PRKG1: variants seen among roughly 807,000 people sequenced by gnomAD.
PRKG1 encodes cGMP-dependent protein kinase 1.
A neutral mutation model predicts 88.1 loss-of-function variants in PRKG1; 35 were observed. That is an observed-to-expected ratio of 0.40 (90% confidence interval 0.30 to 0.53). The LOEUF is 0.53. Ranked by LOEUF, PRKG1 falls within the 20% of genes least tolerant of loss-of-function variation. The pLI is 0.59. For synonymous variants in PRKG1, 303 were observed against 292.5 expected (o/e 1.04, Z -0.37); for missense variants, 540 against 839.8 (o/e 0.64, Z 4.41).
intron 5 of PRKG1, among the ~76,000 whole-genome samples, chr10:51,917,798 G>A (rs1004753578): frequency 6.6e-6 from 1 of 152,088 alleles, no homozygotes; most frequent in African/African-American, 2.4e-5. Flanking sequence ...CTAATTCTCA[G>A]TGATTTTTAT....
chr10:51,236,175 A>G (rs565367650), intron 2 of PRKG1, among the ~76,000 whole-genome samples: 1 of 152,134 alleles, frequency 6.6e-6, no homozygotes, highest in Non-Finnish European at 1.5e-5. Flanking sequence ...CACTTTCTTT[A>G]TCTGTACAAT....
chr10:51,590,027 G>A (rs1165947743), intron 3 of PRKG1, among the ~76,000 whole-genome samples: 1 of 152,110 alleles, frequency 6.6e-6, no homozygotes, highest in Non-Finnish European at 1.5e-5. Context: ...GGAGAAAGTA[G>A]GTTAGATAAA....
chr10:50,999,501 A>G (rs1336491861), intron 1 of PRKG1, among the ~76,000 whole-genome samples: 1 of 152,182 alleles, frequency 6.6e-6, no homozygotes. Context: ...TTTTAGTCCA[A>G]TTTAGAGAGT....
chr10:51,570,688 G>T (rs924501794), intron 3 of PRKG1, among the ~76,000 whole-genome samples: 1 of 146,668 alleles, frequency 6.8e-6, no homozygotes, highest in Non-Finnish European at 1.5e-5. Context: ...TAATTTAGAA[G>T]AATTTTTGAA....
chr10:52,026,355 A>C (rs898901263), intron 5 of PRKG1, among the ~76,000 whole-genome samples: 3 of 152,220 alleles, frequency 2.0e-5, no homozygotes, highest in Admixed American at 1.3e-4. Flanking sequence ...ACTTCTTTGC[A>C]TATGCTTCTG....
intron 4 of PRKG1, among the ~76,000 whole-genome samples, chr10:51,883,415 C>A (rs1474307229): frequency 6.6e-6 from 1 of 152,166 alleles, no homozygotes; most frequent in Non-Finnish European, 1.5e-5. Flanking sequence ...CCTATTAGTT[C>A]TGTTTATCTT....
At chr10:52,163,763 T>G (rs1838349368) in intron 9 of PRKG1, among the ~76,000 whole-genome samples, 1 of 152,160 alleles carries the variant, frequency 6.6e-6, no homozygotes, top group Admixed American at 6.5e-5. Context: ...TTGCACATAC[T>G]TCAATTAAAA....
intron 10 of PRKG1, among the ~76,000 whole-genome samples, chr10:52,253,784 T>C (rs1263292308): frequency 2.0e-5 from 3 of 151,978 alleles, no homozygotes; most frequent in African/African-American, 7.2e-5. Context: ...TATAGCCCAC[T>C]TTGCAAAAAC....
At chr10:51,788,602 G>A (rs1336630398) in intron 3 of PRKG1, among the ~76,000 whole-genome samples, 3 of 152,074 alleles carry the variant, frequency 2.0e-5, no homozygotes, top group East Asian at 1.9e-4. Flanking sequence ...GAAAATAAAC[G>A]CCAAATAGTA....
At chr10:51,699,690 C>T (rs994323194) in intron 3 of PRKG1, 10 of 867,106 alleles carry the variant, frequency 1.2e-5, no homozygotes, top group African/African-American at 1.7e-5. Context: ...TTCCGCTTGC[C>T]TGTGGAACCT....
At chr10:52,075,196 G>A (rs1175929262) in intron 7 of PRKG1, among the ~76,000 whole-genome samples, 1 of 152,128 alleles carries the variant, frequency 6.6e-6, no homozygotes, top group African/African-American at 2.4e-5. Flanking sequence ...AAAAACTAGG[G>A]AGTAGTTACA....
chr10:51,689,596 C>T (rs911256670), intron 3 of PRKG1, among the ~76,000 whole-genome samples: 1 of 152,122 alleles, frequency 6.6e-6, no homozygotes, highest in Non-Finnish European at 1.5e-5. Context: ...AAGATAACTA[C>T]TCTTAACAAA....
At chr10:51,357,855 A>G (rs969736344) in intron 2 of PRKG1, among the ~76,000 whole-genome samples, 1 of 151,960 alleles carries the variant, frequency 6.6e-6, no homozygotes, top group African/African-American at 2.4e-5. Flanking sequence ...ATGCTTTAAT[A>G]TTTGGAAATA....
At chr10:51,547,557 TG>T (rs1427416773) in intron 3 of PRKG1, among the ~76,000 whole-genome samples, 1 of 152,136 alleles carries the variant, frequency 6.6e-6, no homozygotes, top group African/African-American at 2.4e-5. Flanking sequence ...TTCTCATTCT[TG>T]TCTAGATGAT....
intron 3 of PRKG1, among the ~76,000 whole-genome samples, chr10:51,537,826 C>A (rs1446256775): frequency 6.6e-6 from 1 of 151,708 alleles, no homozygotes; most frequent in Non-Finnish European, 1.5e-5. Context: ...TCAGGGCCTG[C>A]TTCTAGGGAC....
chr10:51,570,367 G>T (rs961542690), intron 3 of PRKG1, among the ~76,000 whole-genome samples: 2 of 151,648 alleles, frequency 1.3e-5, no homozygotes, highest in African/African-American at 4.8e-5. Context: ...TTAAGCTAGA[G>T]AAAAAAATTG....
intron 2 of PRKG1, among the ~76,000 whole-genome samples, chr10:51,325,399 A>G (rs1564447181): frequency 6.6e-6 from 1 of 152,050 alleles, no homozygotes; most frequent in Non-Finnish European, 1.5e-5. Flanking sequence ...CAGTTTCACC[A>G]TGTTGGCCAG....
rs1489660908 is a variant in PRKG1 at position 52,098,894 on chromosome 10, T to C, written c.936-34946T>C. 5.9e-5 allele frequency among the ~76,000 whole-genome samples: 9 copies of C among 152,200 alleles called. No individual in the cohort carries two copies. The South Asian group carries it at 1.0e-3, about 17-fold the overall frequency. ...CAAACCTATGAGGGACTATAATTAG[T>C]TGGTTCCATGAATGCCTTTATAATA... On this transcript the variant is annotated intron_variant, in intron 7 of 17. Coordinates refer to ENST00000373980, the MANE Select transcript of PRKG1 (RefSeq NM_006258.4).
intron 1 of PRKG1, among the ~76,000 whole-genome samples, chr10:51,130,707 C>T (rs1845543425): frequency 6.6e-6 from 1 of 152,022 alleles, no homozygotes; most frequent in African/African-American, 2.4e-5. Context: ...TCAAGACCAG[C>T]CTGGCCAAGA....
Sources: gnomAD v4.1 joint callset for allele counts (sites outside exome capture counted in the v4.1 genomes callset) on GRCh38, gnomAD v4.1.1 for gene constraint, MANE v1.5 for transcripts, NCBI Gene and HGNC (gene_info 2026-07-23, HGNC 2026-07-21) for gene names.